Variants in TCF20 observed in about 807,000 individuals in gnomAD.
The protein encoded by TCF20 is SPRE-binding protein.
A neutral mutation model predicts 148.6 loss-of-function variants in TCF20; 3 were observed. The observed-to-expected ratio is 0.02, with a 90% confidence interval of 0.01 to 0.05. TCF20 has a LOEUF of 0.05. TCF20 is among the 10% of genes least tolerant of loss of function. The pLI, the probability that TCF20 is intolerant of heterozygous loss-of-function variation, is 1.00. For missense variants in TCF20, 2,350 were observed against 2,429.3 expected (o/e 0.97, Z 0.69); for synonymous variants, 1,049 against 909.5 (o/e 1.15, Z -2.76).
At chr22:42,185,234 G>A (rs936390088) in intron 2 of TCF20, among the ~76,000 whole-genome samples, 3 of 152,204 alleles carry the variant, frequency 2.0e-5, no homozygotes, top group African/African-American at 7.2e-5. Context: ...CCACTACTGT[G>A]CCTAAGACGG....
intron 1 of TCF20, among the ~76,000 whole-genome samples, chr22:42,229,881 C>T (rs1383886015): frequency 6.6e-6 from 1 of 152,126 alleles, no homozygotes. Flanking sequence ...GGTATGAATG[C>T]CTTATCTCCC....
At chr22:42,284,183 C>T (rs943418528), upstream of TCF20, among the ~76,000 whole-genome samples, 9 of 151,508 alleles carry the variant, frequency 5.9e-5, no homozygotes, top group African/African-American at 1.9e-4. Context: ...CTGCGGAGAG[C>T]GCGTGCCAGC....
At chr22:42,339,353 G>A (rs1928123679) in intron 1 of TCF20, among the ~76,000 whole-genome samples, 1 of 152,198 alleles carries the variant, frequency 6.6e-6, no homozygotes, top group Non-Finnish European at 1.5e-5. Context: ...CTCAGGGCTG[G>A]GGTTTCAGAA....
chr22:42,329,177 C>G (rs1430474131), intron 1 of TCF20, among the ~76,000 whole-genome samples: 4 of 152,230 alleles, frequency 2.6e-5, no homozygotes, highest in Non-Finnish European at 5.9e-5. Context: ...AGGCAGGCGG[C>G]AGCGCAGTCA....
intron 1 of TCF20, among the ~76,000 whole-genome samples, chr22:42,330,825 A>T (rs1927960709): frequency 6.6e-6 from 1 of 152,118 alleles, no homozygotes; most frequent in Non-Finnish European, 1.5e-5. Flanking sequence ...GGTCACCAAT[A>T]CCTACTTTAC....
intron 1 of TCF20, among the ~76,000 whole-genome samples, chr22:42,231,130 C>G (rs934066123): frequency 6.6e-6 from 1 of 152,074 alleles, no homozygotes; most frequent in Non-Finnish European, 1.5e-5. Flanking sequence ...CCATTCCACT[C>G]CAACCTGGGC....
chr22:42,228,612 C>T (rs982523032), intron 1 of TCF20, among the ~76,000 whole-genome samples: 8 of 152,142 alleles, frequency 5.3e-5, no homozygotes, highest in Admixed American at 2.6e-4. Flanking sequence ...TGAAGAGGAA[C>T]GAGGCTGGTA....
chr22:42,208,900 C>A (rs1938577314), intron 2 of TCF20, among the ~76,000 whole-genome samples: 1 of 152,152 alleles, frequency 6.6e-6, no homozygotes, highest in African/African-American at 2.4e-5. Context: ...ATGAAATGAC[C>A]TAGTCAAGAC....
chr22:42,229,331 G>A (rs1454740747), intron 1 of TCF20, among the ~76,000 whole-genome samples: 1 of 152,198 alleles, frequency 6.6e-6, no homozygotes, highest in East Asian at 1.9e-4. Flanking sequence ...AAGGGAAGGA[G>A]AGAGGTGATA....
chr22:42,313,422 T>C (rs1927571478), intron 1 of TCF20, among the ~76,000 whole-genome samples: 2 of 152,054 alleles, frequency 1.3e-5, no homozygotes, highest in Non-Finnish European at 2.9e-5. Context: ...ACTCTCCCAT[T>C]ACCCTCTCAG....
intron 1 of TCF20, among the ~76,000 whole-genome samples, chr22:42,313,935 C>G (rs776385550): frequency 1.3e-5 from 2 of 152,354 alleles, no homozygotes; most frequent in South Asian, 4.1e-4. Flanking sequence ...ACCTTTGCCC[C>G]GGCTGTTCCC....
chr22:42,264,278 G>A (rs1480743076), intron 1 of TCF20, among the ~76,000 whole-genome samples: 5 of 149,694 alleles, frequency 3.3e-5, no homozygotes, highest in Admixed American at 1.3e-4. Context: ...GGGGCGGGGC[G>A]GGGGCAGGGT....
chr22:42,242,655 G>T (rs189087889), intron 1 of TCF20, among the ~76,000 whole-genome samples: 18 of 152,248 alleles, frequency 1.2e-4, no homozygotes, highest in African/African-American at 4.3e-4. Flanking sequence ...GGGAGGCTGA[G>T]GCACGCGGAT....
upstream of TCF20, among the ~76,000 whole-genome samples, chr22:42,270,783 C>A (rs1196433467): frequency 6.9e-6 from 1 of 145,080 alleles, no homozygotes; most frequent in Non-Finnish European, 1.5e-5. Flanking sequence ...CGGGCGCGCG[C>A]GTGCCCACCC....
intron 1 of TCF20, among the ~76,000 whole-genome samples, chr22:42,341,512 G>C (rs1435360300): frequency 6.6e-6 from 1 of 152,156 alleles, no homozygotes; most frequent in Non-Finnish European, 1.5e-5. Context: ...CTCAAAGGCA[G>C]AGGGTCAATC....
rs528664836 is a variant in TCF20, at chr22:42,219,355, C to CAAAAAAAAAAAAAAAAAAAAAAAAAAAA, written c.-36-4015_-36-4014insTTTTTTTTTTTTTTTTTTTTTTTTTTTT. 1.3e-3 allele frequency among the ~76,000 whole-genome samples: 57 copies of CAAAAAAAAAAAAAAAAAAAAAAAAAAAA among 43,538 alleles called. 5 individuals carry two copies. The highest frequency in any genetic ancestry group is 1.8e-3 in the Non-Finnish European group (42 of 23,250). The allele number at this position is 43,538 out of a possible 152,430, so 28.6% of individuals were successfully genotyped here. On this transcript the variant is annotated intron_variant, in intron 1 of 5. Coordinates refer to ENST00000677622, the MANE Select transcript of TCF20 (RefSeq NM_001378418.1). ...ACCCTGGGTGACAGTAACCCTGTCT[C>CAAAAAAAAAAAAAAAAAAAAAAAAAAAA]AAAAAAAAAAAAAAAAAAAAAAAAA...
intron 1 of TCF20, among the ~76,000 whole-genome samples, chr22:42,237,349 C>G (rs1047589233): frequency 1.3e-5 from 2 of 152,204 alleles, no homozygotes; most frequent in African/African-American, 4.8e-5. Flanking sequence ...CAAGTTTTAT[C>G]ATGAGATTAC....
At chr22:42,201,857 T>C (rs1239679235) in intron 2 of TCF20, among the ~76,000 whole-genome samples, 2 of 152,322 alleles carry the variant, frequency 1.3e-5, no homozygotes, top group Non-Finnish European at 2.9e-5. Flanking sequence ...ATCAAAACTT[T>C]GTCATCTCAC....
chr22:42,326,815 GC>G (rs1447129024), intron 1 of TCF20, among the ~76,000 whole-genome samples: 5 of 152,372 alleles, frequency 3.3e-5, no homozygotes, highest in Admixed American at 6.5e-5. Context: ...CAACTGAAGA[GC>G]CCAGAGAGGG....
Sources: gnomAD v4.1 joint callset for allele counts (sites outside exome capture counted in the v4.1 genomes callset) on GRCh38, gnomAD v4.1.1 for gene constraint, MANE v1.5 for transcripts, NCBI Gene and HGNC (gene_info 2026-07-23, HGNC 2026-07-21) for gene names.